The following SH3PXD2B variants were observed in gnomAD, a reference collection of about 807,000 sequenced individuals.
SH3PXD2B encodes SH3 and PX domains 2B.
A neutral mutation model predicts 73.1 loss-of-function variants in SH3PXD2B; 37 were observed. The observed-to-expected ratio is 0.51, with a 90% CI of 0.39 to 0.67. The LOEUF (loss-of-function observed/expected upper bound fraction) is 0.67. Among genes scored for constraint, SH3PXD2B ranks in the 30% least tolerant of loss-of-function variants. SH3PXD2B has a pLI of 0.00. For synonymous variants in SH3PXD2B, 457 were observed against 480.5 expected, an observed-to-expected ratio of 0.95 and a Z score of 0.64; for missense variants, 1,053 against 1,197.8, an observed-to-expected ratio of 0.88 and a Z score of 1.78.
intron 3 of SH3PXD2B, among the ~76,000 whole-genome samples, chr5:172,403,631 C>G (rs780380193): frequency 6.6e-6 from 1 of 152,210 alleles, no homozygotes; most frequent in East Asian, 1.9e-4. Context: ...GGGAGAGGGT[C>G]GGCTCAAGTT....
intron 5 of SH3PXD2B, among the ~76,000 whole-genome samples, chr5:172,377,755 T>C (rs1000428579): frequency 1.3e-5 from 2 of 152,220 alleles, no homozygotes; most frequent in South Asian, 2.1e-4. Flanking sequence ...ATATAAGATA[T>C]GAGATAAGCA....
intron 1 of SH3PXD2B, among the ~76,000 whole-genome samples, chr5:172,452,722 C>G (rs1759824770): frequency 6.6e-6 from 1 of 152,198 alleles, no homozygotes; most frequent in Non-Finnish European, 1.5e-5. Context: ...TGGAGAATTC[C>G]AGACTTCCTC....
At chr5:172,371,698 C>A (rs1757709117) in intron 6 of SH3PXD2B, among the ~76,000 whole-genome samples, 1 of 152,170 alleles carries the variant, frequency 6.6e-6, no homozygotes, top group Admixed American at 6.5e-5. Flanking sequence ...CTTTTTCTCC[C>A]TTTTCCAGAC....
At chr5:172,348,658 T>TCTATCTATCTATCTATC (rs1757063876) in intron 10 of SH3PXD2B, among the ~76,000 whole-genome samples, 17 of 41,076 alleles carry the variant, frequency 4.1e-4, no homozygotes, top group African/African-American at 9.7e-4. Flanking sequence ...ATCTATCCTA[T>TCTATCTATCTATCTATC]CTATCTATCT....
chr5:172,327,544 A>G (rs905986374), intron 12 of SH3PXD2B, among the ~76,000 whole-genome samples: 2 of 152,158 alleles, frequency 1.3e-5, no homozygotes, highest in Non-Finnish European at 2.9e-5. Context: ...GTATTTTATT[A>G]CAATACATAA....
At chr5:172,331,183 A>T (rs773046483), downstream of SH3PXD2B, among the ~76,000 whole-genome samples, 4 of 152,258 alleles carry the variant, frequency 2.6e-5, no homozygotes, top group Non-Finnish European at 5.9e-5. Context: ...CGACAGAGCG[A>T]GACTCTTGTC....
intron 1 of SH3PXD2B, among the ~76,000 whole-genome samples, chr5:172,451,941 G>A (rs1386350954): frequency 6.6e-6 from 1 of 152,224 alleles, no homozygotes; most frequent in African/African-American, 2.4e-5. Flanking sequence ...AGAAGCCTGG[G>A]CTAGAAGGGA....
At chr5:172,341,904 A>G (rs919695637) in intron 12 of SH3PXD2B, among the ~76,000 whole-genome samples, 1 of 151,578 alleles carries the variant, frequency 6.6e-6, no homozygotes, top group African/African-American at 2.4e-5. Context: ...TGATCTGCCC[A>G]TCTCGGCCTC....
chr5:172,378,018 C>T (rs1411658184), intron 5 of SH3PXD2B, among the ~76,000 whole-genome samples: 1 of 150,218 alleles, frequency 6.7e-6, no homozygotes, highest in Non-Finnish European at 1.5e-5. Flanking sequence ...AAGCCCAAGC[C>T]AGCAAGCTAG....
At chr5:172,432,685 G>A (rs1360256506) in intron 1 of SH3PXD2B, among the ~76,000 whole-genome samples, 5 of 152,168 alleles carry the variant, frequency 3.3e-5, no homozygotes, top group Admixed American at 2.0e-4. Flanking sequence ...GGCAGGCCGA[G>A]GCAGATGGAT....
chr5:172,421,179 A>G lies in SH3PXD2B; in HGVS notation c.156+1237T>C, dbSNP rs1342931300. 1.3e-5 allele frequency among the ~76,000 whole-genome samples: 2 copies of G among 152,102 alleles called. No homozygotes were observed. Among genetic ancestry groups the G allele is most frequent in the African/African-American group, 2.4e-5 (1 of 41,404 alleles). On this transcript the variant is annotated intron_variant, in intron 2 of 12. Coordinates refer to ENST00000311601, the MANE Select transcript of SH3PXD2B (RefSeq NM_001017995.3). The surrounding 1 kb of genome is among the most constrained non-coding windows in gnomAD (Gnocchi z 4.0). The stretch of plus-strand genomic sequence containing the variant: ...GTTCAGAAAGCCGGGCAAGTTCCCA[A>G]TGTCTCCCGAGGGTTTTCCAAATAA...
intron 4 of SH3PXD2B, among the ~76,000 whole-genome samples, chr5:172,393,125 G>C (rs1758226231): frequency 1.3e-5 from 2 of 152,168 alleles, no homozygotes; most frequent in South Asian, 4.1e-4. Flanking sequence ...TTTTGACAGG[G>C]ATTGTATTGA....
intron 1 of SH3PXD2B, among the ~76,000 whole-genome samples, chr5:172,430,106 G>A (rs890612281): frequency 6.6e-6 from 1 of 152,232 alleles, no homozygotes; most frequent in African/African-American, 2.4e-5. Flanking sequence ...GTTGGGGCGA[G>A]GATGAAATGA....
At chr5:172,443,359 A>G (rs1759591517) in intron 1 of SH3PXD2B, among the ~76,000 whole-genome samples, 1 of 152,212 alleles carries the variant, frequency 6.6e-6, no homozygotes, top group African/African-American at 2.4e-5. Context: ...GTGAAAATTA[A>G]GATTTAATTC....
chr5:172,325,568 G>C (rs1756432191), intron 12 of SH3PXD2B, among the ~76,000 whole-genome samples: 1 of 152,216 alleles, frequency 6.6e-6, no homozygotes, highest in Non-Finnish European at 1.5e-5. Context: ...TTGGCATGTG[G>C]TGATGGCCTT....
rs34097249 is a variant in SH3PXD2B, at chr5:172,423,545, TG to T, written c.76-1050del. ...CAGCTCACCCACTTGGATACGGGGT[TG>T]GGGGGGGGGGCGCACATTCTCTGTT... On this transcript the variant is annotated intron_variant, in intron 1 of 12. Coordinates refer to ENST00000311601, the MANE Select transcript of SH3PXD2B (RefSeq NM_001017995.3). 8.0e-3 allele frequency among the ~76,000 whole-genome samples: 536 copies of T among 67,382 alleles called. 5 individuals are homozygous for T. The highest frequency in any genetic ancestry group is 0.017 in the East Asian group (24 of 1,430). The allele number at this position is 67,382 out of a possible 152,430, so 44.2% of individuals were successfully genotyped here. A position where few individuals can be genotyped will look rare whatever the true frequency, so the allele number is the denominator to read the frequency against.
chr5:172,419,150 C>T (rs1162451896), intron 2 of SH3PXD2B, among the ~76,000 whole-genome samples: 1 of 152,150 alleles, frequency 6.6e-6, no homozygotes, highest in Non-Finnish European at 1.5e-5. Context: ...CCTGAACAGG[C>T]AAAGCTGAGA....
intron 1 of SH3PXD2B, among the ~76,000 whole-genome samples, chr5:172,432,087 C>A (rs1334982811): frequency 6.6e-6 from 1 of 152,150 alleles, no homozygotes; most frequent in African/African-American, 2.4e-5. Context: ...GCAGGAGAAT[C>A]GCTTGAACCT....
intron 12 of SH3PXD2B, among the ~76,000 whole-genome samples, chr5:172,345,901 GTTTC>G (rs761420388): frequency 2.0e-5 from 3 of 152,176 alleles, no homozygotes; most frequent in Admixed American, 2.0e-4. Context: ...TGGGTAAGGA[GTTTC>G]TTTTTGTTCT....
Sources: gnomAD v4.1 joint callset for allele counts (sites outside exome capture counted in the v4.1 genomes callset) on GRCh38, gnomAD v4.1.1 for gene constraint, Gnocchi (gnomAD v3.1) non-coding constraint, MANE v1.5 for transcripts, NCBI Gene and HGNC (gene_info 2026-07-23, HGNC 2026-07-21) for gene names.